The following GDF6 variants were observed in gnomAD, a reference collection of about 807,000 sequenced individuals.
GDF6 encodes the protein growth/differentiation factor 6.
In GDF6, 3 loss-of-function variants were observed where a neutral mutation model predicts 32.4. The observed-to-expected ratio is 0.09, with a 90% CI of 0.04 to 0.24. The LOEUF is 0.24. Ranked by LOEUF, GDF6 falls within the 10% of genes least tolerant of loss-of-function variation. The pLI is 1.00. For synonymous variants in GDF6, 296 were observed against 295.3 expected (o/e 1.00, Z -0.03); for missense variants, 589 against 637.9 (o/e 0.92, Z 0.83).
intron 1 of GDF6, among the ~76,000 whole-genome samples, chr8:96,155,595 C>T (rs1812647616): frequency 6.6e-6 from 1 of 152,250 alleles, no homozygotes; most frequent in Admixed American, 6.5e-5. Context: ...GGCGCACCCT[C>T]ATACGCACAC....
At chr8:96,157,050 G>A (rs528267009) in intron 1 of GDF6, among the ~76,000 whole-genome samples, 69 of 152,222 alleles carry the variant, frequency 4.5e-4, no homozygotes, top group African/African-American at 1.5e-3. Flanking sequence ...TGATGATAGC[G>A]TTTTCCTAGG....
rs200117791 is a variant in GDF6, at chr8:96,144,561, C to A, written c.*2G>T. 4 of 1,613,436 alleles carry A rather than the reference C, an allele frequency of 2.5e-6. No individual in the cohort carries two copies. Among genetic ancestry groups the A allele is most frequent in the Non-Finnish European group, 3.4e-6 (4 of 1,179,810 alleles). On this transcript the variant is annotated 3_prime_UTR_variant, in exon 2 of 2. Coordinates refer to ENST00000287020, the MANE Select transcript of GDF6 (RefSeq NM_001001557.4). This position sits in a 1 kb window ranked among gnomAD's most constrained non-coding sequence, Gnocchi z 5.1. Reference sequence around the variant, plus strand: ...CGGGCCAAGGCGGCGGGAAAGGCACCGCTACCTGCAGCCGCACGACTCCAC... The same window carrying A: ...CGGGCCAAGGCGGCGGGAAAGGCACAGCTACCTGCAGCCGCACGACTCCAC...
chr8:96,145,548 G>A lies in GDF6; in HGVS notation c.407-24C>T. The A allele has an allele frequency of 6.3e-7, 1 of 1,597,460 alleles. No homozygotes were observed. The highest frequency in any genetic ancestry group is 2.2e-5 in the East Asian group (1 of 44,846). On this transcript the variant is annotated intron_variant, in intron 1 of 1. Coordinates refer to ENST00000287020, the MANE Select transcript of GDF6 (RefSeq NM_001001557.4). This position sits in a 1 kb window ranked among gnomAD's most constrained non-coding sequence, Gnocchi z 5.6. ...GTCTGCGAGATAAAAAATAATTACA[G>A]TCAGTTTCACTTAAGGGGGAGATCA...
intron 1 of GDF6, among the ~76,000 whole-genome samples, chr8:96,148,701 A>C (rs1469633843): frequency 6.6e-6 from 1 of 152,244 alleles, no homozygotes; most frequent in African/African-American, 2.4e-5. Context: ...GCTGCAAAGC[A>C]CAGGGCTCAG....
chr8:96,156,480 G>T (rs1283525874), intron 1 of GDF6, among the ~76,000 whole-genome samples: 1 of 147,772 alleles, frequency 6.8e-6, no homozygotes, highest in African/African-American at 2.5e-5. Context: ...TAAATTCATA[G>T]AACTAATTGT....
At chr8:96,156,374 T>G (rs201392124) in intron 1 of GDF6, among the ~76,000 whole-genome samples, 4 of 45,894 alleles carry the variant, frequency 8.7e-5, no homozygotes, top group South Asian at 9.6e-4. Flanking sequence ...CTCTCTCTCT[T>G]TCCCTCTCTC....
At chr8:96,160,217 C>G in intron 1 of GDF6, 70 bp downstream of exon 1, 1 of 1,484,514 alleles carries the variant, frequency 6.7e-7, no homozygotes, top group Non-Finnish European at 9.4e-7. Context: ...AATGTAGCCT[C>G]CAGCGGGAAC....
chr8:96,160,630 G>A lies in GDF6; in HGVS notation c.63C>T (p.Pro21=). The change falls in exon 1 of 2, where the codon CCC becomes CCT. Residue 21 remains proline (P), a synonymous_variant. Coordinates refer to ENST00000287020, the MANE Select transcript of GDF6 (RefSeq NM_001001557.4). ...ATGAGATGGAAGCCTGCTGGAAACC[G>A]GGCAAATCCCACAGAAAACTGATGA... is the stretch of plus-strand genomic sequence containing the variant. ...VFLISFLWDL[P]GFQQASISSS... The A allele has an allele frequency of 3.1e-6, 5 of 1,613,746 alleles. No homozygotes were observed. Among genetic ancestry groups the A allele is most frequent in the Non-Finnish European group, 4.2e-6 (5 of 1,179,698 alleles).
intron 1 of GDF6, among the ~76,000 whole-genome samples, chr8:96,155,477 G>T (rs968057806): frequency 1.3e-5 from 2 of 152,182 alleles, no homozygotes; most frequent in African/African-American, 4.8e-5. Flanking sequence ...CCAATTTAAG[G>T]CTTCTTTCCC....
intron 1 of GDF6, among the ~76,000 whole-genome samples, chr8:96,148,145 C>T (rs552482067): frequency 1.3e-5 from 2 of 152,326 alleles, no homozygotes; most frequent in South Asian, 4.1e-4. Context: ...CCACCCCTAC[C>T]CTTTCCACGT....
At position 96,144,272 on chromosome 8, in the gene GDF6, GA is replaced by G; in HGVS notation, c.*290del. 2.2e-6 allele frequency: 1 copy of G among 462,644 alleles called. No individual in the cohort carries two copies. The highest frequency in any genetic ancestry group is 4.0e-6 in the Non-Finnish European group (1 of 252,426). The allele number at this position is 462,644 out of a possible 1,614,324, so 28.7% of individuals were successfully genotyped here. The stretch of plus-strand genomic sequence containing the variant: ...AGAGAGAGAGAGAGAGAGAGAGAGA[GA>G]GAGAGAGAGAGAGAGAGAAAACAGA... On this transcript the variant is annotated 3_prime_UTR_variant, in exon 2 of 2. Coordinates refer to ENST00000287020, the MANE Select transcript of GDF6 (RefSeq NM_001001557.4). The surrounding 1 kb of genome is among the most constrained non-coding windows in gnomAD (Gnocchi z 5.1).
intron 1 of GDF6, among the ~76,000 whole-genome samples, chr8:96,157,569 A>G (rs776362466): frequency 2.0e-5 from 3 of 151,992 alleles, no homozygotes; most frequent in Non-Finnish European, 2.9e-5. Context: ...CAAGGCGCCA[A>G]GTTAGCGCTG....
At position 96,144,551 on chromosome 8, in the gene GDF6, G is replaced by A; in HGVS notation, c.*12C>T. 6.2e-7 allele frequency: 1 copy of A among 1,613,086 alleles called. No individual in the cohort carries two copies. Among genetic ancestry groups the A allele is most frequent in the Non-Finnish European group, 8.5e-7 (1 of 1,179,664 alleles). Reference sequence around the variant, plus strand: ...ACCTTGGTTCCGGGCCAAGGCGGCGGGAAAGGCACCGCTACCTGCAGCCGC... The same window carrying A: ...ACCTTGGTTCCGGGCCAAGGCGGCGAGAAAGGCACCGCTACCTGCAGCCGC... On this transcript the variant is annotated 3_prime_UTR_variant, in exon 2 of 2. Transcript: ENST00000287020. This position sits in a 1 kb window ranked among gnomAD's most constrained non-coding sequence, Gnocchi z 5.1.
rs774264491 is a variant in GDF6, at chr8:96,160,452, G to A, written c.241C>T (p.Arg81Trp). ...CCCCTGCCTGGCGGCTCCTGCGCCC[G>A]GGGCTGCTGAGCCCGGGGTTCGTCC... ...PQDEPRAQQP[R>W]AQEPPGRGPR... Residue 81 changes from arginine to tryptophan, a missense_variant, in exon 1 of 2, where the codon CGG (arginine) becomes TGG (tryptophan). Arg to Trp is a moderately radical substitution (Grantham distance 101). Transcript: ENST00000287020. 3.1e-6 allele frequency: 5 copies of A among 1,613,548 alleles called. No individual in the cohort carries two copies. The highest frequency in any genetic ancestry group is 4.2e-6 in the Non-Finnish European group (5 of 1,179,726).
chr8:96,158,805 T>A (rs1812713208), intron 1 of GDF6, among the ~76,000 whole-genome samples: 1 of 152,192 alleles, frequency 6.6e-6, no homozygotes, highest in Non-Finnish European at 1.5e-5. Context: ...AGAAGCCACA[T>A]GTCTTTGCAA....
At chr8:96,147,103 C>G (rs1812497882) in intron 1 of GDF6, among the ~76,000 whole-genome samples, 1 of 152,150 alleles carries the variant, frequency 6.6e-6, no homozygotes, top group Admixed American at 6.5e-5. Context: ...TGTCACTGGG[C>G]CCAGCATCCA....
chr8:96,160,146 T>C, intron 1 of GDF6, 141 bp downstream of exon 1: 3 of 921,754 alleles, frequency 3.3e-6, no homozygotes, highest in Non-Finnish European at 3.6e-6. Context: ...TTACTCGAGC[T>C]TGAGAAAAAC....
Position 96,145,510 on chromosome 8 carries a change from T to A in GDF6, c.421A>T (p.Thr141Ser). The A allele has an allele frequency of 2.5e-6, 4 of 1,597,674 alleles. No homozygotes were observed. Among genetic ancestry groups the A allele is most frequent in the Middle Eastern group, 1.7e-4 (1 of 6,060 alleles). The change falls in exon 2 of 2, where the codon ACT becomes TCT. Residue 141 changes from threonine to serine, a missense_variant. Around this residue, in one of 2 missense-constraint regions of GDF6, gnomAD observed 436 missense variants for 411.2 expected, o/e 1.06. Coordinates refer to ENST00000287020, the MANE Select transcript of GDF6 (RefSeq NM_001001557.4). The surrounding 1 kb of genome is among the most constrained non-coding windows in gnomAD (Gnocchi z 5.6). ...AAATACTTCTGTCTCCGGAGAGGAG[T>A]GTGCGAGAGATCGTCTGCGAGATAA... ...VDRGLDDLSH[T>S]PLRRQKYLFD...
At chr8:96,158,952 T>G in intron 1 of GDF6, among the ~76,000 whole-genome samples, 5 of 138,540 alleles carry the variant, frequency 3.6e-5, no homozygotes, top group African/African-American at 8.3e-5. Flanking sequence ...CGACTATGAG[T>G]GAGAGGCGGG....
Sources: allele counts gnomAD v4.1 joint callset (sites outside exome capture counted in the v4.1 genomes callset), GRCh38; gene constraint gnomAD v4.1.1; regional missense constraint gnomAD v4.1.1; non-coding constraint Gnocchi (gnomAD v3.1); transcripts MANE v1.5; gene names NCBI Gene and HGNC (gene_info 2026-07-23, HGNC 2026-07-21).